DDB1: variants seen among roughly 807,000 people sequenced by gnomAD.
DDB1 encodes DNA damage-binding protein 1.
A neutral mutation model predicts 133.1 loss-of-function variants in DDB1; 18 were observed. The observed-to-expected ratio is 0.14, with a 90% CI of 0.09 to 0.20. The LOEUF is 0.20. Ranked by LOEUF, DDB1 falls within the 10% of genes least tolerant of loss-of-function variation. DDB1 has a pLI of 1.00. For synonymous variants in DDB1, 580 were observed against 550.5 expected, an observed-to-expected ratio of 1.05 and a Z score of -0.75; for missense variants, 828 against 1,459.2, an observed-to-expected ratio of 0.57 and a Z score of 7.05.
chr11:61,331,445 C>A, intron 2 of DDB1, 98 bp downstream of exon 2: 1 of 1,469,730 alleles, frequency 6.8e-7, no homozygotes, highest in Non-Finnish European at 9.2e-7. Context: ...CTGTGAGACC[C>A]CCGTCTCAAA....
intron 18 of DDB1, among the ~76,000 whole-genome samples, chr11:61,311,542 G>A (rs1229827301): frequency 6.6e-6 from 1 of 152,056 alleles, no homozygotes. Context: ...GACCCAAACT[G>A]ATGGTGACAG....
intron 4 of DDB1, among the ~76,000 whole-genome samples, chr11:61,329,029 A>G (rs1471405926): frequency 6.6e-6 from 1 of 152,204 alleles, no homozygotes; most frequent in African/African-American, 2.4e-5. Flanking sequence ...TTTCTTGACA[A>G]CTAAGTTTTA....
chr11:61,329,255 C>A (rs2134938620), intron 4 of DDB1, 108 bp downstream of exon 4: 1 of 1,016,764 alleles, frequency 9.8e-7, no homozygotes. Flanking sequence ...AGGACAAACA[C>A]ATTAAACACT....
chr11:61,311,738 G>A (rs1416565772), intron 18 of DDB1, 46 bp downstream of exon 18: 6 of 1,546,246 alleles, frequency 3.9e-6, no homozygotes, highest in Non-Finnish European at 5.3e-6. Context: ...CAGAAAGCTT[G>A]CTGGCCCCTG....
rs376693945 is a variant in DDB1, at chr11:61,322,410, G to A, written c.1008C>T (p.Leu336=). The change falls in exon 9 of 27, where the codon CTC becomes CTT. Residue 336 remains leucine (L), a splice_region_variant and synonymous_variant. Coordinates refer to ENST00000301764, the MANE Select transcript of DDB1 (RefSeq NM_001923.5). Reference sequence around the variant, plus strand: ...AGCCTTGTTCATTACTGTCAACGTTGAGCTAATAAGAAAGAACAATGTTAT... The same window carrying A: ...AGCCTTGTTCATTACTGTCAACGTTAAGCTAATAAGAAAGAACAATGTTAT... ...SRLGDSQLVK[L]NVDSNEQGSY... 5.0e-6 allele frequency: 8 copies of A among 1,611,342 alleles called. No individual in the cohort carries two copies. The highest frequency in any genetic ancestry group is 1.1e-5 in the South Asian group (1 of 91,042).
chr11:61,332,927 G>T lies in DDB1; in HGVS notation c.42C>A (p.Ala14=). 1 of 1,510,106 alleles carries T rather than the reference G, an allele frequency of 6.6e-7. No homozygotes were observed. The highest frequency in any genetic ancestry group is 8.9e-7 in the Non-Finnish European group (1 of 1,123,038). 93.5% of individuals were successfully genotyped at this position (1,510,106 alleles called of 1,614,324 possible). A position where few individuals can be genotyped will look rare whatever the true frequency, so the allele number is the denominator to read the frequency against. ...CCTCACCGGTCACGCAGCCGTTCAC[G>T]GCGGTGGGCTTCTGGGCCGTTACCA... The part of the protein sequence containing the change: ...NYVVTAQKPT[A]VNGCVTGHFT... The change falls in exon 1 of 27, where the codon GCC becomes GCA. Residue 14 remains alanine, a synonymous_variant. Coordinates refer to ENST00000301764, the MANE Select transcript of DDB1 (RefSeq NM_001923.5).
chr11:61,329,561 C>T lies in DDB1; in HGVS notation c.351G>A (p.Glu117=). The T allele has an allele frequency of 1.9e-6, 3 of 1,613,552 alleles. No individual in the cohort carries two copies. The highest frequency in any genetic ancestry group is 2.5e-6 in the Non-Finnish European group (3 of 1,179,696). ...NVQDRIGRPS[E]TGIIGIIDPE... ...GGTCAATGATGCCAATAATGCCGGT[C>T]TCTGAGGGGCGGCCAATGCGGTCCT... is the stretch of plus-strand genomic sequence containing the variant. Residue 117 remains glutamate, a synonymous_variant, in exon 4 of 27, where the codon GAG becomes GAA. Transcript: ENST00000301764.
chr11:61,302,625 G>A lies in DDB1; in HGVS notation c.3069C>T (p.Pro1023=), dbSNP rs773551556. 1.1e-5 allele frequency: 18 copies of A among 1,614,092 alleles called. No individual in the cohort carries two copies. Among genetic ancestry groups the A allele is most frequent in the Non-Finnish European group, 1.3e-5 (15 of 1,180,038 alleles). The stretch of plus-strand genomic sequence containing the variant: ...TGCCGAAGAGCACCGAGCCTTGTGT[G>A]GGGGTGGAAGTCTCACCCAGATTCT... ...VMQNLGETST[P]TQGSVLFGTV... is the part of the protein sequence containing the mutation. Residue 1023 remains proline (P), a synonymous_variant, in exon 24 of 27, where the codon CCC becomes CCT. Transcript: ENST00000301764.
At position 61,329,456 on chromosome 11, in the gene DDB1, G is replaced by A. The variant is rs749556136; in HGVS notation, c.456C>T (p.Leu152=). 1 of 1,614,158 alleles carries A rather than the reference G, an allele frequency of 6.2e-7. No homozygotes were observed. The change falls in exon 4 of 27, where the codon CTC becomes CTT. Residue 152 remains leucine (L), a synonymous_variant. Coordinates refer to ENST00000301764, the MANE Select transcript of DDB1 (RefSeq NM_001923.5). ...CCTCCAGGCGGATGTTGAAGGCCTT[G>A]AGTTCTTTATTATCGCGATCTAGTG... ...VIPLDRDNKE[L]KAFNIRLEEL... is the part of the protein sequence containing the mutation.
chr11:61,316,945 A>C (rs1856083038), intron 10 of DDB1, among the ~76,000 whole-genome samples: 1 of 35,068 alleles, frequency 2.9e-5, no homozygotes, highest in Non-Finnish European at 4.2e-5. Flanking sequence ...AAAAAAGGAT[A>C]GATATATATA....
At chr11:61,319,500 C>G (rs573515576) in intron 10 of DDB1, among the ~76,000 whole-genome samples, 1 of 151,628 alleles carries the variant, frequency 6.6e-6, no homozygotes, top group Non-Finnish European at 1.5e-5. Flanking sequence ...GGCACGATCT[C>G]GGCTCACTGC....
chr11:61,317,663 C>T (rs190277985), intron 10 of DDB1, among the ~76,000 whole-genome samples: 22 of 151,980 alleles, frequency 1.4e-4, no homozygotes, highest in Non-Finnish European at 3.2e-4. Flanking sequence ...CGTGTCACCA[C>T]GCCTGGCTAA....
chr11:61,329,263 A>G (rs1288418572), intron 4 of DDB1, 100 bp downstream of exon 4: 4 of 1,065,136 alleles, frequency 3.8e-6, no homozygotes, highest in Non-Finnish European at 5.8e-6. Flanking sequence ...CACATTAAAC[A>G]CTTCTCTCTA....
intron 10 of DDB1, among the ~76,000 whole-genome samples, chr11:61,317,000 G>C: frequency 1.4e-5 from 1 of 72,102 alleles, no homozygotes; most frequent in African/African-American, 3.9e-5. Flanking sequence ...TATATATATA[G>C]ACATGGCAGC....
chr11:61,315,624 G>T (rs552205199), intron 12 of DDB1: 2 of 152,322 alleles, frequency 1.3e-5, no homozygotes, highest in African/African-American at 4.8e-5. Context: ...TCTGGCCACA[G>T]AGTGAAGAAC....
rs779543469 is a variant in DDB1, at chr11:61,325,608, C to T, written c.762+3G>A. On this transcript the variant is annotated splice_donor_region_variant and intron_variant, in intron 6 of 26. Coordinates refer to ENST00000301764, the MANE Select transcript of DDB1 (RefSeq NM_001923.5). ...AAGGAAAAAAAGGTAGGACTGCGCT[C>T]ACCTTGATGATAGGAGGGGCAATAG... 2.5e-6 allele frequency: 4 copies of T among 1,612,784 alleles called. No homozygotes were observed. In the East Asian group the frequency reaches 8.9e-5, roughly 36 times the overall value.
rs190779402 is a variant in DDB1, at chr11:61,325,799, C to A, written c.665-91G>T. The A allele has an allele frequency of 4.2e-5, 41 of 979,794 alleles. No homozygotes were observed. The African/African-American group carries it at 5.1e-4, about 12-fold the overall frequency. 60.7% of individuals were successfully genotyped at this position (979,794 alleles called of 1,614,324 possible). On this transcript the variant is annotated intron_variant, in intron 5 of 26. Transcript: ENST00000301764. ...AGTACAGGTCTAGTTAGCCCCAAGGCAAACTTTAAGGTCATCATTATTTTA... is the reference window on the plus strand; with the variant it reads ...AGTACAGGTCTAGTTAGCCCCAAGGAAAACTTTAAGGTCATCATTATTTTA...
chr11:61,329,678 G>C, intron 3 of DDB1, 94 bp from the exon 4 acceptor site: 1 of 1,235,818 alleles, frequency 8.1e-7, no homozygotes, highest in Non-Finnish European at 1.1e-6. Context: ...TTTTAGGAGA[G>C]GTATTAAAAC....
chr11:61,317,684 T>A (rs1856114632), intron 10 of DDB1, among the ~76,000 whole-genome samples: 1 of 151,572 alleles, frequency 6.6e-6, no homozygotes, highest in African/African-American at 2.4e-5. Flanking sequence ...TTTTTTCTAT[T>A]TTTAGTAGAG....
Sources: gnomAD v4.1 joint callset for allele counts (sites outside exome capture counted in the v4.1 genomes callset) on GRCh38, gnomAD v4.1.1 for gene constraint, MANE v1.5 for transcripts, NCBI Gene and HGNC (gene_info 2026-07-23, HGNC 2026-07-21) for gene names.